MAGI2: variants seen among roughly 807,000 people sequenced by gnomAD.
MAGI2 encodes membrane-associated guanylate kinase, WW and PDZ domain-containing protein 2.
MAGI2 carries 35 observed loss-of-function variants against 133.3 expected under a neutral mutation model. The ratio of observed to expected loss-of-function variants is 0.26; its 90% CI spans 0.20 to 0.35. The LOEUF (loss-of-function observed/expected upper bound fraction) is 0.35, where lower values mean the gene tolerates loss of function less well. Ranked by LOEUF, MAGI2 falls within the 10% of genes least tolerant of loss-of-function variation. The pLI is 1.00. For synonymous variants in MAGI2, 729 were observed against 710.6 expected (o/e 1.03, Z -0.41); for missense variants, 1,636 against 1,863.4 (o/e 0.88, Z 2.25).
chr7:78,261,020 C>T (rs1793467015), intron 9 of MAGI2, among the ~76,000 whole-genome samples: 1 of 152,090 alleles, frequency 6.6e-6, no homozygotes, highest in Non-Finnish European at 1.5e-5. Context: ...CTTTGAGTCA[C>T]TGTGGCCTAC....
rs372943845 is a variant in MAGI2, at chr7:78,266,728, C to T, written c.1409-10147G>A. Among the ~76,000 whole-genome samples the T allele has an allele frequency of 4.9e-4, 75 of 152,028 alleles. 3 individuals are homozygous for T. In the South Asian group the frequency reaches 0.014, roughly 27 times the overall value. On this transcript the variant is annotated intron_variant, in intron 9 of 21. Transcript: ENST00000354212. ...GAGTAGCTGGGACTACAGGATCACG[C>T]CACTACACCAGGCTAATTTTTTTGT...
At chr7:79,189,478 T>A (rs1413851612) in intron 1 of MAGI2, among the ~76,000 whole-genome samples, 2 of 151,782 alleles carry the variant, frequency 1.3e-5, no homozygotes, top group Non-Finnish European at 2.9e-5. Context: ...TAGACTTTAT[T>A]TTTTAGAGTA....
At chr7:78,919,982 GC>G (rs760542878) in intron 2 of MAGI2, among the ~76,000 whole-genome samples, 1 of 152,022 alleles carries the variant, frequency 6.6e-6, no homozygotes, top group African/African-American at 2.4e-5. Flanking sequence ...CATATTTAGA[GC>G]CATCTCTACT....
chr7:79,371,166 A>AT (rs1236211740), intron 1 of MAGI2, among the ~76,000 whole-genome samples: 1 of 152,018 alleles, frequency 6.6e-6, no homozygotes, highest in African/African-American at 2.4e-5. Flanking sequence ...ATTCCTCTAC[A>AT]TTTTTTTACT....
chr7:78,573,257 A>AATATAAATATATATAAATATATATATTT (rs1801805989), intron 3 of MAGI2, among the ~76,000 whole-genome samples: 1 of 21,970 alleles, frequency 4.6e-5, no homozygotes, highest in Non-Finnish European at 7.9e-5. Flanking sequence ...AATATATATA[A>AATATAAATATATATAAATATATATATTT]ATATAAATAT....
At chr7:78,750,547 T>C (rs1040250823) in intron 2 of MAGI2, among the ~76,000 whole-genome samples, 1 of 152,172 alleles carries the variant, frequency 6.6e-6, no homozygotes, top group South Asian at 2.1e-4. Context: ...AGATAACTTC[T>C]GGAAACAAAA....
At chr7:78,501,498 TTCC>T in intron 5 of MAGI2, 76 bp downstream of exon 5, 1 of 1,254,482 alleles carries the variant, frequency 8.0e-7, no homozygotes, top group South Asian at 1.3e-5. Context: ...TTTTTTTTTT[TTCC>T]ACGTCTAACT....
At chr7:78,021,124 T>C (rs533128640) in intron 21 of MAGI2, among the ~76,000 whole-genome samples, 2 of 152,298 alleles carry the variant, frequency 1.3e-5, no homozygotes, top group South Asian at 2.1e-4. Flanking sequence ...ATGAGTTAGC[T>C]GCTACTGTGA....
intron 4 of MAGI2, among the ~76,000 whole-genome samples, chr7:78,511,758 T>C (rs1264488836): frequency 6.8e-6 from 1 of 147,692 alleles, no homozygotes; most frequent in Non-Finnish European, 1.5e-5. Flanking sequence ...CTTCGTGCTC[T>C]GAAGTGGTTC....
At chr7:78,766,894 T>C (rs140156382) in intron 2 of MAGI2, among the ~76,000 whole-genome samples, 183 of 152,346 alleles carry the variant, frequency 1.2e-3, no homozygotes, top group African/African-American at 4.3e-3. Flanking sequence ...TTGTGTATTT[T>C]ATAGGTCTTG....
chr7:78,297,769 A>G (rs1037871974), intron 9 of MAGI2, among the ~76,000 whole-genome samples: 1 of 146,986 alleles, frequency 6.8e-6, no homozygotes, highest in African/African-American at 2.5e-5. Flanking sequence ...CATAGGTGGG[A>G]ATTGAACAGT....
At chr7:78,768,807 C>A (rs771154187) in intron 2 of MAGI2, among the ~76,000 whole-genome samples, 1 of 152,140 alleles carries the variant, frequency 6.6e-6, no homozygotes, top group Non-Finnish European at 1.5e-5. Flanking sequence ...ATTTTGCATC[C>A]TCATGCTCCC....
chr7:78,698,856 C>T (rs561848332), intron 2 of MAGI2, among the ~76,000 whole-genome samples: 2 of 152,204 alleles, frequency 1.3e-5, no homozygotes, highest in African/African-American at 4.8e-5. Flanking sequence ...TGAGGGTAAC[C>T]ACCCCATGAT....
intron 2 of MAGI2, among the ~76,000 whole-genome samples, chr7:78,944,394 A>G (rs1344821359): frequency 6.6e-6 from 1 of 152,108 alleles, no homozygotes; most frequent in Non-Finnish European, 1.5e-5. Flanking sequence ...GTGTTAGGAT[A>G]GACATAAGCT....
chr7:78,823,699 A>G lies in MAGI2; in HGVS notation c.418+183391T>C, dbSNP rs552122964. Among the ~76,000 whole-genome samples, 13 of 152,326 alleles carry G rather than the reference A, an allele frequency of 8.5e-5. No individual in the cohort carries two copies. In the East Asian group the frequency reaches 2.5e-3, roughly 29 times the overall value. ...AGATGAAAAGGTTAGGTAGAAGAAT[A>G]AGAGCTGTCAGGTATCAAGAGAAAA... On this transcript the variant is annotated intron_variant, in intron 2 of 21. Transcript: ENST00000354212.
chr7:78,993,861 A>T (rs1356206597), intron 2 of MAGI2, among the ~76,000 whole-genome samples: 1 of 152,130 alleles, frequency 6.6e-6, no homozygotes, highest in African/African-American at 2.4e-5. Context: ...AAAAAAAATA[A>T]GAGCTTCGCA....
chr7:78,319,600 A>T (rs1011153035), intron 9 of MAGI2, among the ~76,000 whole-genome samples: 4 of 152,184 alleles, frequency 2.6e-5, no homozygotes, highest in Non-Finnish European at 5.9e-5. Context: ...ACACAACATA[A>T]CAAAATCTCT....
intron 3 of MAGI2, among the ~76,000 whole-genome samples, chr7:78,570,170 G>A (rs1167314644): frequency 6.6e-6 from 1 of 152,140 alleles, no homozygotes; most frequent in African/African-American, 2.4e-5. Context: ...CCAGCTCACA[G>A]GGTAGACATA....
At chr7:79,101,733 A>AG (rs1009015154) in intron 1 of MAGI2, among the ~76,000 whole-genome samples, 22 of 151,058 alleles carry the variant, frequency 1.5e-4, no homozygotes, top group African/African-American at 4.6e-4. Context: ...CAAAAAAAAA[A>AG]AAAAAAAGAA....
Sources: allele counts gnomAD v4.1 joint callset (sites outside exome capture counted in the v4.1 genomes callset), GRCh38; gene constraint gnomAD v4.1.1; transcripts MANE v1.5; gene names NCBI Gene and HGNC (gene_info 2026-07-23, HGNC 2026-07-21).